Variants in DISP1 observed in about 807,000 individuals in gnomAD.
DISP1 encodes dispatched RND transporter family member 1, also known as protein dispatched homolog 1.
In DISP1, 30 loss-of-function variants were observed where a neutral mutation model predicts 37.3. That is an observed-to-expected ratio of 0.80 (90% CI 0.60 to 1.09). The LOEUF (loss-of-function observed/expected upper bound fraction) is 1.09, where lower values mean the gene tolerates loss of function less well. DISP1 is among the 50% of genes least tolerant of loss of function. DISP1 has a pLI of 0.00. For synonymous variants in DISP1, 634 were observed against 690.2 expected, an observed-to-expected ratio of 0.92 and a Z score of 1.28; for missense variants, 1,598 against 1,879.5, an observed-to-expected ratio of 0.85 and a Z score of 2.77.
At chr1:222,881,355 C>G (rs550192661) in intron 1 of DISP1, among the ~76,000 whole-genome samples, 1 of 152,234 alleles carries the variant, frequency 6.6e-6, no homozygotes, top group East Asian at 1.9e-4. Flanking sequence ...GCCACCACGC[C>G]TGGCTAATTT....
At chr1:222,978,484 G>C (rs1347423078) in intron 3 of DISP1, among the ~76,000 whole-genome samples, 1 of 152,202 alleles carries the variant, frequency 6.6e-6, no homozygotes, top group Non-Finnish European at 1.5e-5. Context: ...TGTTCACTCT[G>C]TTGGTAGTTT....
intron 1 of DISP1, among the ~76,000 whole-genome samples, chr1:222,868,596 A>G (rs186717514): frequency 6.6e-6 from 1 of 152,224 alleles, no homozygotes; most frequent in East Asian, 1.9e-4. Context: ...AGATCTAATA[A>G]ATCCATTTAT....
chr1:222,868,030 T>C (rs931598278), intron 1 of DISP1, among the ~76,000 whole-genome samples: 3 of 152,108 alleles, frequency 2.0e-5, no homozygotes, highest in African/African-American at 7.2e-5. Flanking sequence ...GGGCGAATGA[T>C]TAGGAGGATA....
At chr1:222,957,534 A>T (rs1400709138) in intron 3 of DISP1, among the ~76,000 whole-genome samples, 1 of 152,178 alleles carries the variant, frequency 6.6e-6, no homozygotes, top group East Asian at 1.9e-4. Flanking sequence ...GGTTGCAGTG[A>T]GCTGAGATTA....
intron 3 of DISP1, among the ~76,000 whole-genome samples, chr1:222,951,319 TC>T (rs1284875302): frequency 4.0e-5 from 6 of 151,854 alleles, no homozygotes; most frequent in Admixed American, 1.3e-4. Context: ...TCTTTTTGTT[TC>T]CCCTTAGGGC....
chr1:222,885,869 TAC>T (rs759925144), intron 1 of DISP1, among the ~76,000 whole-genome samples: 44 of 148,444 alleles, frequency 3.0e-4, no homozygotes, highest in Middle Eastern at 3.6e-3. Context: ...ATCATGGGGA[TAC>T]ACACACACAC....
intron 3 of DISP1, among the ~76,000 whole-genome samples, chr1:222,953,157 A>G (rs1339571910): frequency 6.6e-6 from 1 of 152,124 alleles, no homozygotes. Flanking sequence ...TCTTTTCTCA[A>G]TCCTTTCCTC....
intron 8 of DISP1, among the ~76,000 whole-genome samples, chr1:222,995,610 A>G (rs897459814): frequency 2.0e-5 from 3 of 152,196 alleles, no homozygotes; most frequent in African/African-American, 7.2e-5. Context: ...TACAGCCAAA[A>G]ACATGTCCGC....
In DISP1 at chr1:222,937,970, C is replaced by T. The variant is rs192053270; in HGVS notation, c.-17-4837C>T. On this transcript the variant is annotated intron_variant, in intron 2 of 8. Coordinates refer to ENST00000675850, the MANE Select transcript of DISP1 (RefSeq NM_001377229.1). ...CTCACCACAACCTCCGTCTCTTGGG[C>T]TCAAGTGATCCTCCCATTTCAGCCT... 3.3e-5 allele frequency among the ~76,000 whole-genome samples: 5 copies of T among 152,166 alleles called. No individual in the cohort carries two copies. The East Asian group carries it at 9.7e-4, about 29-fold the overall frequency.
chr1:222,873,913 G>A (rs150490141), intron 1 of DISP1, among the ~76,000 whole-genome samples: 19,315 of 149,918 alleles, frequency 0.13, 1,339 homozygotes, highest in East Asian at 0.31. Context: ...GGCTGGTACC[G>A]GTTGTTCCTT....
intron 1 of DISP1, among the ~76,000 whole-genome samples, chr1:222,867,304 T>C (rs1416596484): frequency 6.6e-6 from 1 of 152,186 alleles, no homozygotes; most frequent in Admixed American, 6.5e-5. Context: ...AAGCCAAACA[T>C]ATATAATAAT....
rs758331125 is a variant in DISP1 at position 223,003,348 on chromosome 1, T to C, written c.1951T>C (p.Trp651Arg). The C allele has an allele frequency of 6.2e-7, 1 of 1,614,176 alleles. No individual in the cohort carries two copies. Among genetic ancestry groups the C allele is most frequent in the Non-Finnish European group, 8.5e-7 (1 of 1,180,044 alleles). ...GGTGAATTACGTTTTGATGGTCACA[T>C]GGCTTCCAGCAGTTGTTGTGCTGCA... ...ILVNYVLMVT[W>R]LPAVVVLHER... Residue 651 changes from tryptophan (W) to arginine (R), a missense_variant, in exon 9 of 9, where the codon TGG becomes CGG. Transcript: ENST00000675850. The surrounding 1 kb of genome is among the most constrained non-coding windows in gnomAD (Gnocchi z 4.3).
chr1:222,924,237 C>T (rs1672962533), intron 1 of DISP1, among the ~76,000 whole-genome samples: 1 of 152,136 alleles, frequency 6.6e-6, no homozygotes. Context: ...CTTGCTAATT[C>T]AACTTTGAAT....
At chr1:222,843,328 G>A (rs1245700238) in intron 1 of DISP1, among the ~76,000 whole-genome samples, 1 of 151,936 alleles carries the variant, frequency 6.6e-6, no homozygotes, top group African/African-American at 2.4e-5. Flanking sequence ...AAATATATAT[G>A]TACTTCTGAA....
intron 2 of DISP1, among the ~76,000 whole-genome samples, chr1:222,942,425 A>G (rs1349353316): frequency 6.6e-6 from 1 of 152,120 alleles, no homozygotes; most frequent in Non-Finnish European, 1.5e-5. Context: ...AGAACATATA[A>G]GCCAACCATG....
At chr1:222,882,285 A>G (rs749489446) in intron 1 of DISP1, among the ~76,000 whole-genome samples, 1 of 152,184 alleles carries the variant, frequency 6.6e-6, no homozygotes, top group African/African-American at 2.4e-5. Context: ...CAATGATTTT[A>G]TCTCATTTTT....
chr1:222,924,772 A>G (rs1427867330), intron 1 of DISP1, among the ~76,000 whole-genome samples: 2 of 152,178 alleles, frequency 1.3e-5, no homozygotes, highest in Non-Finnish European at 2.9e-5. Context: ...TAAATAGACA[A>G]GACTTTTAAA....
intron 1 of DISP1, among the ~76,000 whole-genome samples, chr1:222,850,771 C>A (rs967101452): frequency 6.6e-6 from 1 of 152,142 alleles, no homozygotes; most frequent in Non-Finnish European, 1.5e-5. Flanking sequence ...AAGACATGAT[C>A]TCATTCTTTT....
chr1:222,870,433 A>G (rs1470681734), intron 1 of DISP1, among the ~76,000 whole-genome samples: 2 of 152,242 alleles, frequency 1.3e-5, no homozygotes, highest in Admixed American at 6.5e-5. Flanking sequence ...CTATTTCTCC[A>G]CATCCTCTCC....
Sources: gnomAD v4.1 joint callset for allele counts (sites outside exome capture counted in the v4.1 genomes callset) on GRCh38, gnomAD v4.1.1 for gene constraint, Gnocchi (gnomAD v3.1) non-coding constraint, MANE v1.5 for transcripts, NCBI Gene and HGNC (gene_info 2026-07-23, HGNC 2026-07-21) for gene names.